The following TEKTL1 variants were observed in gnomAD, a reference collection of about 807,000 sequenced individuals.
TEKTL1 encodes tektin like 1.
the TEKTL1 span, chr19:15,011,325 A>G: frequency 6.6e-7 from 1 of 1,513,946 alleles, no homozygotes. Context: ...AGGCTCAGCG[A>G]AGTGCGCAAG....
the TEKTL1 span, chr19:15,011,451 C>T: frequency 7.5e-7 from 1 of 1,341,544 alleles, no homozygotes; most frequent in Non-Finnish European, 9.7e-7. Flanking sequence ...GAGGCCTCCG[C>T]TATGCGGTGT....
chr19:15,022,952 T>C, the TEKTL1 span: 1 of 1,612,964 alleles, frequency 6.2e-7, no homozygotes, highest in Admixed American at 1.7e-5. Flanking sequence ...GAACCTCAGC[T>C]GGGGCCTCAA....
At chr19:15,016,185 C>CTTTTTT in the TEKTL1 span, among the ~76,000 whole-genome samples, 168 of 66,736 alleles carry the variant, frequency 2.5e-3, 7 homozygotes, top group African/African-American at 7.7e-3. Flanking sequence ...GACAGCTGTC[C>CTTTTTT]TTTTTTTTTT....
chr19:15,021,456 G>C, the TEKTL1 span: 42 of 1,614,134 alleles, frequency 2.6e-5, no homozygotes, highest in Middle Eastern at 4.9e-4. Flanking sequence ...AGCAACAGCT[G>C]CAGATAAGCG....
At chr19:15,021,737 G>C in the TEKTL1 span, 3 of 1,613,022 alleles carry the variant, frequency 1.9e-6, no homozygotes, top group South Asian at 1.1e-5. Context: ...AGAGCCTTCG[G>C]GGGTGGAGGC....
chr19:15,021,357 C>A, the TEKTL1 span: 3 of 1,613,916 alleles, frequency 1.9e-6, no homozygotes, highest in Non-Finnish European at 2.5e-6. Context: ...TTGCAGCGTG[C>A]GCCTTGGCGC....
the TEKTL1 span, chr19:15,021,875 A>T: frequency 6.2e-7 from 1 of 1,613,902 alleles, no homozygotes; most frequent in Non-Finnish European, 8.5e-7. Flanking sequence ...CATGTACCAG[A>T]GACACGTGGG....
the TEKTL1 span, chr19:15,020,808 T>C: frequency 1.5e-6 from 1 of 673,474 alleles, no homozygotes; most frequent in South Asian, 1.9e-5. Context: ...TGAGCACACA[T>C]TGTCACTCAG....
At chr19:15,013,085 G>A in the TEKTL1 span, among the ~76,000 whole-genome samples, 1 of 152,096 alleles carries the variant, frequency 6.6e-6, no homozygotes, top group Non-Finnish European at 1.5e-5. Flanking sequence ...CTCCCATCCA[G>A]GGAGAAAGAG....
At chr19:15,011,185 G>A in the TEKTL1 span, 2 of 1,488,540 alleles carry the variant, frequency 1.3e-6, no homozygotes, top group Non-Finnish European at 1.8e-6. Flanking sequence ...CGCGCGCCCT[G>A]CAGACCACCG....
the TEKTL1 span, among the ~76,000 whole-genome samples, chr19:15,021,059 T>C: frequency 6.6e-6 from 1 of 151,964 alleles, no homozygotes; most frequent in Non-Finnish European, 1.5e-5. Flanking sequence ...TTTGTATTTT[T>C]AGTAGAGGCG....
the TEKTL1 span, among the ~76,000 whole-genome samples, chr19:15,019,624 T>C: frequency 1.3e-5 from 2 of 152,172 alleles, no homozygotes; most frequent in African/African-American, 4.8e-5. Flanking sequence ...GATGTAGACA[T>C]GTCTCTCCTA....
chr19:15,020,283 G>C, the TEKTL1 span, among the ~76,000 whole-genome samples: 1 of 149,506 alleles, frequency 6.7e-6, no homozygotes, highest in Non-Finnish European at 1.5e-5. Context: ...ACTCCAGCCT[G>C]GATGACAGAG....
At chr19:15,020,745 C>T in the TEKTL1 span, 4 of 1,171,314 alleles carry the variant, frequency 3.4e-6, no homozygotes, top group African/African-American at 3.1e-5. Context: ...TTAGCTGTCC[C>T]TTTCCTGGGA....
chr19:15,011,543 G>A, the TEKTL1 span: 1 of 613,458 alleles, frequency 1.6e-6, no homozygotes, highest in Non-Finnish European at 2.5e-6. Context: ...AGACCAGCCT[G>A]ACCAACATGG....
chr19:15,014,742 G>GGA, the TEKTL1 span, among the ~76,000 whole-genome samples: 362 of 125,650 alleles, frequency 2.9e-3, 12 homozygotes, highest in African/African-American at 9.9e-3. Flanking sequence ...GGGGGGCGGG[G>GGA]GCTGCTGAAA....
chr19:15,021,975 T>G, the TEKTL1 span: 2 of 1,357,710 alleles, frequency 1.5e-6, no homozygotes, highest in South Asian at 1.2e-5. Context: ...GTAAGGCTCC[T>G]TCCTCAAGCA....
the TEKTL1 span, chr19:15,023,274 G>C: frequency 2.5e-5 from 17 of 683,346 alleles, no homozygotes; most frequent in Admixed American, 2.4e-4. Context: ...TAATTATCAT[G>C]TATTAGGCAC....
Sources: gnomAD v4.1 joint callset for allele counts (sites outside exome capture counted in the v4.1 genomes callset) on GRCh38, gnomAD v4.1.1 for gene constraint, MANE v1.5 for transcripts, NCBI Gene and HGNC (gene_info 2026-07-23, HGNC 2026-07-21) for gene names.